Variants in TUBB8 observed in about 807,000 individuals in gnomAD.
The protein encoded by TUBB8 is tubulin beta-8 chain.
In TUBB8, 25 loss-of-function variants were observed where a neutral mutation model predicts 33.7. The ratio of observed to expected loss-of-function variants is 0.74; its 90% CI spans 0.54 to 1.04. The LOEUF (loss-of-function observed/expected upper bound fraction) is 1.04, where lower values mean the gene tolerates loss of function less well. Ranked by LOEUF, TUBB8 falls within the 50% of genes least tolerant of loss-of-function variation. TUBB8 has a pLI of 0.00. For synonymous variants in TUBB8, 245 were observed against 240.1 expected (o/e 1.02, Z -0.19); for missense variants, 279 against 608.0 (o/e 0.46, Z 5.69).
chr10:46,992 C>T lies in TUBB8; in HGVS notation c.*65G>A, dbSNP rs1292160690. 4.8e-6 allele frequency: 3 copies of T among 625,698 alleles called. No homozygotes were observed. The highest frequency in any genetic ancestry group is 8.4e-6 in the Non-Finnish European group (3 of 357,048). The allele number at this position is 625,698 out of a possible 1,614,324, so 38.8% of individuals were successfully genotyped here. ...ACAAATTAACAAGCGTATAGTGACA[C>T]ATGGCTGTCAGAACACAGTAAAGAA... On this transcript the variant is annotated 3_prime_UTR_variant, in exon 4 of 4. Coordinates refer to ENST00000568584, the MANE Select transcript of TUBB8 (RefSeq NM_177987.3).
chr10:76,570 A>G (rs1834817209), upstream of TUBB8, among the ~76,000 whole-genome samples: 1 of 152,068 alleles, frequency 6.6e-6, no homozygotes, highest in Admixed American at 6.5e-5. Context: ...GTGGGTGCTG[A>G]GAGGAAGCTC....
At chr10:66,624 G>C (rs1834674064) in intron 1 of TUBB8, among the ~76,000 whole-genome samples, 2 of 152,178 alleles carry the variant, frequency 1.3e-5, no homozygotes, top group South Asian at 4.1e-4. Context: ...ACTCCAACCT[G>C]GCCAACAGGG....
At chr10:64,212 C>G (rs1298980353) in intron 1 of TUBB8, among the ~76,000 whole-genome samples, 3 of 152,120 alleles carry the variant, frequency 2.0e-5, no homozygotes, top group Non-Finnish European at 2.9e-5. Context: ...AGCCATAGAA[C>G]TTGGTCTCAC....
At chr10:66,742 G>A (rs1834676007) in intron 1 of TUBB8, among the ~76,000 whole-genome samples, 1 of 152,242 alleles carries the variant, frequency 6.6e-6, no homozygotes, top group Non-Finnish European at 1.5e-5. Flanking sequence ...GAGGCCAAGA[G>A]AGGAGTATCA....
intron 1 of TUBB8, among the ~76,000 whole-genome samples, chr10:70,053 C>T (rs1468602622): frequency 3.8e-4 from 58 of 152,294 alleles, no homozygotes; most frequent in Admixed American, 1.2e-3. Context: ...ACTTGCTCAT[C>T]CTCATGTCAA....
chr10:53,755 T>A (rs61840063), upstream of TUBB8, among the ~76,000 whole-genome samples: 34,957 of 150,760 alleles, frequency 0.23, 997 homozygotes, highest in Non-Finnish European at 0.3. Flanking sequence ...ACTTATAAAC[T>A]AAAAATTAAT....
chr10:64,293 C>G (rs1202959524), intron 1 of TUBB8, among the ~76,000 whole-genome samples: 39 of 134,568 alleles, frequency 2.9e-4, no homozygotes, highest in Admixed American at 2.5e-3. Flanking sequence ...AGCCCTAACC[C>G]TAACCCTAAC....
At chr10:64,360 C>T (rs1460381007) in intron 1 of TUBB8, among the ~76,000 whole-genome samples, 5 of 149,556 alleles carry the variant, frequency 3.3e-5, no homozygotes, top group Non-Finnish European at 6.0e-5. Flanking sequence ...AACCCTAACC[C>T]CCAACCCCAA....
chr10:75,084 A>T (rs1403416939), upstream of TUBB8, among the ~76,000 whole-genome samples: 1 of 150,988 alleles, frequency 6.6e-6, no homozygotes, highest in Non-Finnish European at 1.5e-5. Context: ...CATGTTGACC[A>T]GGCTGGTCTC....
At chr10:52,411 T>G (rs77342110), upstream of TUBB8, among the ~76,000 whole-genome samples, 2 of 152,174 alleles carry the variant, frequency 1.3e-5, no homozygotes, top group African/African-American at 4.8e-5. Context: ...TCTTGTGCAG[T>G]AAAAAATTTG....
chr10:49,457 G>A (rs1834436383), upstream of TUBB8: 13 of 679,530 alleles, frequency 1.9e-5, no homozygotes, highest in Non-Finnish European at 3.2e-5. Flanking sequence ...AGGTGTCCTT[G>A]CGTGGTCCTT....
At chr10:64,030 T>G (rs560668615) in intron 1 of TUBB8, among the ~76,000 whole-genome samples, 5 of 152,154 alleles carry the variant, frequency 3.3e-5, no homozygotes, top group Non-Finnish European at 7.4e-5. Context: ...TGGATTAACA[T>G]CAAGAAAAAT....
upstream of TUBB8, among the ~76,000 whole-genome samples, chr10:50,677 T>C (rs1834456472): frequency 6.6e-6 from 1 of 152,166 alleles, no homozygotes; most frequent in Non-Finnish European, 1.5e-5. Flanking sequence ...AGCATAAGCA[T>C]GAAGCACTAA....
chr10:69,892 A>G (rs1323568043), intron 1 of TUBB8, among the ~76,000 whole-genome samples: 2 of 151,820 alleles, frequency 1.3e-5, no homozygotes, highest in East Asian at 3.9e-4. Flanking sequence ...CCCTAAAAAC[A>G]CTCTCCTCCT....
intron 1 of TUBB8, among the ~76,000 whole-genome samples, chr10:63,082 A>ATTTTTT (rs34751761): frequency 1.8e-4 from 27 of 146,406 alleles, no homozygotes; most frequent in African/African-American, 6.4e-4. Flanking sequence ...TAAATGTTTA[A>ATTTTTT]TTTTTTTTTT....
chr10:59,384 T>C (rs1834570461), intron 1 of TUBB8, among the ~76,000 whole-genome samples: 1 of 152,314 alleles, frequency 6.6e-6, no homozygotes, highest in African/African-American at 2.4e-5. Flanking sequence ...ATATGGGGTT[T>C]TGCCACGTTG....
chr10:52,350 T>C (rs1834479182), upstream of TUBB8, among the ~76,000 whole-genome samples: 1 of 152,194 alleles, frequency 6.6e-6, no homozygotes, highest in South Asian at 2.1e-4. Context: ...TGCTGAAAGA[T>C]GTTGCTAGAA....
At chr10:72,726 G>A (rs771030430) in intron 1 of TUBB8, among the ~76,000 whole-genome samples, 23 of 151,476 alleles carry the variant, frequency 1.5e-4, no homozygotes, top group Admixed American at 7.2e-4. Flanking sequence ...TGTGGCAGGC[G>A]CCTGTAATCC....
At chr10:74,625 CAAAAAA>C (rs35723619), upstream of TUBB8, among the ~76,000 whole-genome samples, 3 of 89,680 alleles carry the variant, frequency 3.3e-5, no homozygotes, top group African/African-American at 4.4e-5. Flanking sequence ...GACTCAGTAT[CAAAAAA>C]AAAAAAAAAA....
Sources: gnomAD v4.1 joint callset for allele counts (sites outside exome capture counted in the v4.1 genomes callset) on GRCh38, gnomAD v4.1.1 for gene constraint, MANE v1.5 for transcripts, NCBI Gene and HGNC (gene_info 2026-07-23, HGNC 2026-07-21) for gene names.